DYNC2H1: variants seen among roughly 807,000 people sequenced by gnomAD.
DYNC2H1 encodes dynein cytoplasmic 2 heavy chain 1, also known as cytoplasmic dynein 2 heavy chain 1.
Under a neutral mutation model 570.0 loss-of-function variants are expected in DYNC2H1, and 410 were observed. That is an observed-to-expected ratio of 0.72 (90% CI 0.66 to 0.78). DYNC2H1 has a LOEUF of 0.78. Ranked by LOEUF, DYNC2H1 falls within the 30% of genes least tolerant of loss-of-function variation. DYNC2H1 has a pLI of 0.00. For missense variants in DYNC2H1, 4,865 were observed against 5,046.4 expected (o/e 0.96, Z 1.09); for synonymous variants, 1,688 against 1,677.6 (o/e 1.01, Z -0.15).
At chr11:103,348,295 C>A (rs1939857878) in intron 82 of DYNC2H1, among the ~76,000 whole-genome samples, 2 of 152,072 alleles carry the variant, frequency 1.3e-5, no homozygotes, top group South Asian at 4.1e-4. Context: ...CTTTTTACAG[C>A]TTTATTGGGG....
At chr11:103,127,495 C>T (rs942203101) in intron 12 of DYNC2H1, among the ~76,000 whole-genome samples, 4 of 152,052 alleles carry the variant, frequency 2.6e-5, no homozygotes, top group Non-Finnish European at 4.4e-5. Context: ...AGTGGGTTTT[C>T]CCCACCAAAT....
Position 103,241,118 on chromosome 11 carries a change from C to T in DYNC2H1, c.9820-2575C>T, listed in dbSNP as rs1037318298. On this transcript the variant is annotated intron_variant, in intron 63 of 88. Coordinates refer to ENST00000375735, the MANE Select transcript of DYNC2H1 (RefSeq NM_001377.3). The surrounding 1 kb of genome is among the most constrained non-coding windows in gnomAD (Gnocchi z 5.1). ...GTTTTCTAGCCATAACTTCACCTAT[C>T]ATCCTTCAGTAGCAACTTGTGCACC... Among the ~76,000 whole-genome samples the T allele has an allele frequency of 7.9e-5, 12 of 152,170 alleles. No individual in the cohort carries two copies. The highest frequency in any genetic ancestry group is 1.5e-4 in the Non-Finnish European group (10 of 68,022).
chr11:103,358,799 T>A (rs1365047231), intron 83 of DYNC2H1, among the ~76,000 whole-genome samples: 1 of 152,176 alleles, frequency 6.6e-6, no homozygotes, highest in Non-Finnish European at 1.5e-5. Flanking sequence ...ATGTAGGTAT[T>A]CATATGTATA....
chr11:103,323,997 TA>T lies in DYNC2H1; in HGVS notation c.12039+15del, dbSNP rs777470966. On this transcript the variant is annotated splice_region_variant and intron_variant, in intron 82 of 88. Transcript: ENST00000375735. Reference sequence around the variant, plus strand: ...GCGCATGATCAGTTCTCAGGTAACCTAAAAAAAAGATCTACCTTCAAAAAAA... The same window carrying T: ...GCGCATGATCAGTTCTCAGGTAACCTAAAAAAAGATCTACCTTCAAAAAAA... The T allele has an allele frequency of 1.4e-4, 211 of 1,562,652 alleles. No homozygotes were observed. Among genetic ancestry groups the T allele is most frequent in the South Asian group, 5.4e-4 (43 of 80,002 alleles).
At chr11:103,141,260 C>A (rs1859908825) in intron 17 of DYNC2H1, among the ~76,000 whole-genome samples, 1 of 152,186 alleles carries the variant, frequency 6.6e-6, no homozygotes, top group Non-Finnish European at 1.5e-5. Flanking sequence ...GAACTGCATT[C>A]CTTTGGAGGA....
chr11:103,200,895 C>T (rs1036366545), intron 50 of DYNC2H1, among the ~76,000 whole-genome samples: 1 of 152,132 alleles, frequency 6.6e-6, no homozygotes, highest in Non-Finnish European at 1.5e-5. Context: ...GACATGATCT[C>T]GGCTCACTGC....
intron 82 of DYNC2H1, among the ~76,000 whole-genome samples, chr11:103,347,621 C>T (rs980755914): frequency 6.6e-6 from 1 of 152,026 alleles, no homozygotes; most frequent in Non-Finnish European, 1.5e-5. Context: ...TAATAAAAAT[C>T]AGTTTTTGTG....
At chr11:103,379,451 A>G (rs560887694) in intron 83 of DYNC2H1, among the ~76,000 whole-genome samples, 1 of 152,300 alleles carries the variant, frequency 6.6e-6, no homozygotes, top group South Asian at 2.1e-4. Flanking sequence ...AGCCAAATTT[A>G]TCAAATATTT....
Position 103,234,018 on chromosome 11 carries a change from T to G in DYNC2H1, c.9441-16T>G. ...AAATCCTTTTTGCTTTTAATTAAAT[T>G]TTAATGTTTACATAGATTTCAGAGC... On this transcript the variant is annotated splice_polypyrimidine_tract_variant and intron_variant, in intron 60 of 88. Transcript: ENST00000375735. The G allele has an allele frequency of 6.5e-7, 1 of 1,544,196 alleles. No homozygotes were observed. The highest frequency in any genetic ancestry group is 1.2e-5 in the South Asian group (1 of 82,494).
chr11:103,284,246 G>T lies in DYNC2H1; in HGVS notation c.10890+1161G>T, dbSNP rs561103498. Among the ~76,000 whole-genome samples the T allele has an allele frequency of 2.0e-5, 3 of 152,026 alleles. 1 individual carries two copies. The South Asian group carries it at 6.2e-4, about 32-fold the overall frequency. ...TCCACTGACCTCACTTTGCTCCTTG[G>T]CTATAAATTTCCACTTGCCTATGCT... On this transcript the variant is annotated intron_variant, in intron 73 of 88. Coordinates refer to ENST00000375735, the MANE Select transcript of DYNC2H1 (RefSeq NM_001377.3).
chr11:103,369,054 T>G lies in DYNC2H1; in HGVS notation c.12156+10695T>G, dbSNP rs977393768. Reference sequence around the variant, plus strand: ...ATAACTGGTTTTAACTTCTTATTGCTGAAAGAGGCATTGAAGAGGTAGGAA... The same window carrying G: ...ATAACTGGTTTTAACTTCTTATTGCGGAAAGAGGCATTGAAGAGGTAGGAA... On this transcript the variant is annotated intron_variant, in intron 83 of 88. Coordinates refer to ENST00000375735, the MANE Select transcript of DYNC2H1 (RefSeq NM_001377.3). The surrounding 1 kb of genome is among the most constrained non-coding windows in gnomAD (Gnocchi z 4.0). 6.6e-6 allele frequency among the ~76,000 whole-genome samples: 1 copy of G among 152,162 alleles called. No homozygotes were observed. The highest frequency in any genetic ancestry group is 1.5e-5 in the Non-Finnish European group (1 of 68,030).
chr11:103,211,795 C>T lies in DYNC2H1; in HGVS notation c.8546C>T (p.Pro2849Leu). Residue 2849 changes from proline (P) to leucine (L), a missense_variant, in exon 54 of 89, where the codon CCT becomes CTT. By Grantham distance (98) the Pro-to-Leu change is moderately conservative. Around this residue, in one of 5 missense-constraint regions of DYNC2H1, gnomAD observed 2,401 missense variants for 2,454.6 expected, o/e 0.98. Transcript: ENST00000375735. The part of the protein sequence containing the change: ...KEEKKKNSVD[P>L]DFLKSFLLIH... ...ATTTTCTATTTTTTTCTAGTTGATC[C>T]TGATTTTCTAAAATCATTTTTATTA... The T allele has an allele frequency of 2.3e-6, 3 of 1,311,858 alleles. No individual in the cohort carries two copies. The highest frequency in any genetic ancestry group is 2.2e-4 in the Middle Eastern group (1 of 4,636). 81.3% of individuals were successfully genotyped at this position (1,311,858 alleles called of 1,614,324 possible).
At position 103,324,804 on chromosome 11, in the gene DYNC2H1, G is replaced by A. The variant is rs544251792; in HGVS notation, c.12039+814G>A. 6.6e-6 allele frequency among the ~76,000 whole-genome samples: 1 copy of A among 152,240 alleles called. No individual in the cohort carries two copies. Among genetic ancestry groups the A allele is most frequent in the African/African-American group, 2.4e-5 (1 of 41,534 alleles). ...AATCGCCAAACTATTTTCCACAATGGTTGATCTAATTTGCATTCCCACCAG... is the reference window on the plus strand; with the variant it reads ...AATCGCCAAACTATTTTCCACAATGATTGATCTAATTTGCATTCCCACCAG... On this transcript the variant is annotated intron_variant, in intron 82 of 88. Coordinates refer to ENST00000375735, the MANE Select transcript of DYNC2H1 (RefSeq NM_001377.3). This position sits in a 1 kb window ranked among gnomAD's most constrained non-coding sequence, Gnocchi z 5.2.
chr11:103,309,883 T>C (rs1744826259), intron 78 of DYNC2H1, among the ~76,000 whole-genome samples: 1 of 152,150 alleles, frequency 6.6e-6, no homozygotes, highest in South Asian at 2.1e-4. Flanking sequence ...TAACCTTTTC[T>C]GGGATCTTGT....
rs1466918099 is a variant in DYNC2H1 at position 103,439,038 on chromosome 11, G to A, written c.12456+3006G>A. Among the ~76,000 whole-genome samples the A allele has an allele frequency of 6.6e-6, 1 of 152,106 alleles. No homozygotes were observed. The highest frequency in any genetic ancestry group is 1.5e-5 in the Non-Finnish European group (1 of 68,000). On this transcript the variant is annotated intron_variant, in intron 85 of 88. Coordinates refer to ENST00000375735, the MANE Select transcript of DYNC2H1 (RefSeq NM_001377.3). This position sits in a 1 kb window ranked among gnomAD's most constrained non-coding sequence, Gnocchi z 4.1. ...TTCCTGGTGCCAAACACTGTGTGAG[G>A]TTGCTGAATATAGAGTGGTAAACAA...
At chr11:103,120,370 A>G (rs908380253) in intron 6 of DYNC2H1, 77 bp from the exon 7 acceptor site, 3 of 1,297,408 alleles carry the variant, frequency 2.3e-6, no homozygotes, top group African/African-American at 1.5e-5. Flanking sequence ...TTCTTGCCCA[A>G]TATATCTAGA....
chr11:103,226,643 G>A (rs1254842030), intron 59 of DYNC2H1, among the ~76,000 whole-genome samples: 2 of 152,082 alleles, frequency 1.3e-5, no homozygotes, highest in Admixed American at 6.6e-5. Flanking sequence ...TTGCATCTGT[G>A]TTCATCAGGG....
In DYNC2H1 at chr11:103,254,341, A is replaced by G. The variant is rs1864958650; in HGVS notation, c.10206+893A>G. 1.3e-5 allele frequency among the ~76,000 whole-genome samples: 2 copies of G among 152,230 alleles called. No individual in the cohort carries two copies. Among genetic ancestry groups the G allele is most frequent in the Non-Finnish European group, 2.9e-5 (2 of 68,042 alleles). On this transcript the variant is annotated intron_variant, in intron 66 of 88. Coordinates refer to ENST00000375735, the MANE Select transcript of DYNC2H1 (RefSeq NM_001377.3). The surrounding 1 kb of genome is among the most constrained non-coding windows in gnomAD (Gnocchi z 4.9). ...AGGAGCTATGTAGGTCTTACTTAGC[A>G]AGAACTAAATGAAGATGCTTATACA... is the stretch of plus-strand genomic sequence containing the variant.
At chr11:103,343,565 T>G (rs1234291095) in intron 82 of DYNC2H1, among the ~76,000 whole-genome samples, 2 of 152,106 alleles carry the variant, frequency 1.3e-5, no homozygotes, top group Non-Finnish European at 2.9e-5. Flanking sequence ...ACAAAAGCTA[T>G]TCCTGAAGCT....
Sources: allele counts gnomAD v4.1 joint callset (sites outside exome capture counted in the v4.1 genomes callset), GRCh38; gene constraint gnomAD v4.1.1; regional missense constraint gnomAD v4.1.1; non-coding constraint Gnocchi (gnomAD v3.1); transcripts MANE v1.5; gene names NCBI Gene and HGNC (gene_info 2026-07-23, HGNC 2026-07-21).